Variants in CHSY3 observed in about 807,000 individuals in gnomAD.
The protein encoded by CHSY3 is N-acetylgalactosaminyl-proteoglycan 3-beta-glucuronosyltransferase 3.
A neutral mutation model predicts 67.2 loss-of-function variants in CHSY3; 35 were observed. The ratio of observed to expected loss-of-function variants is 0.52; its 90% CI spans 0.40 to 0.69. CHSY3 has a LOEUF of 0.69. Among genes scored for constraint, CHSY3 ranks in the 30% least tolerant of loss-of-function variants. The probability of loss-of-function intolerance (pLI) is 0.00; values close to 1 mark genes in which losing one functional copy is unlikely to be tolerated. For missense variants in CHSY3, 1,069 were observed against 1,138.5 expected, an observed-to-expected ratio of 0.94 and a Z score of 0.88; for synonymous variants, 474 against 434.7, an observed-to-expected ratio of 1.09 and a Z score of -1.12.
intron 2 of CHSY3, among the ~76,000 whole-genome samples, chr5:130,146,755 T>TA (rs888749186): frequency 1.9e-4 from 29 of 150,676 alleles, no homozygotes; most frequent in South Asian, 6.4e-4. Flanking sequence ...GTGTGCTAAT[T>TA]AAAAAAAAAG....
intron 2 of CHSY3, among the ~76,000 whole-genome samples, chr5:129,920,074 GC>G (rs1760869585): frequency 6.6e-6 from 1 of 152,008 alleles, no homozygotes; most frequent in Non-Finnish European, 1.5e-5. Context: ...TCTAATTGAG[GC>G]TTTTTAATCT....
intron 2 of CHSY3, among the ~76,000 whole-genome samples, chr5:130,180,717 G>T (rs767544092): frequency 6.6e-6 from 1 of 151,520 alleles, no homozygotes; most frequent in Non-Finnish European, 1.5e-5. Context: ...AGCCGGGTGC[G>T]GTGGCATGCA....
intron 2 of CHSY3, among the ~76,000 whole-genome samples, chr5:130,172,305 TTTTTC>T (rs200636071): frequency 5.2e-5 from 2 of 38,738 alleles, no homozygotes; most frequent in African/African-American, 6.8e-5. Flanking sequence ...TTAACTCTTT[TTTTTC>T]TTTTCTTTTC....
intron 2 of CHSY3, among the ~76,000 whole-genome samples, chr5:130,020,461 ATTTTTTTTTTT>A (rs1196155924): frequency 1.3e-5 from 1 of 79,888 alleles, no homozygotes; most frequent in African/African-American, 6.1e-5. Context: ...ATATATATAT[ATTTTTTTTTTT>A]TTTTTTTCCT....
chr5:129,973,623 C>A (rs1223488009), intron 2 of CHSY3, among the ~76,000 whole-genome samples: 1 of 152,056 alleles, frequency 6.6e-6, no homozygotes, highest in African/African-American at 2.4e-5. Context: ...TCTATATTGT[C>A]ATTTTGTGAA....
At chr5:130,103,998 C>T (rs1446628520) in intron 2 of CHSY3, among the ~76,000 whole-genome samples, 2 of 151,830 alleles carry the variant, frequency 1.3e-5, no homozygotes, top group Non-Finnish European at 1.5e-5. Context: ...TATTGATGGA[C>T]TTTAAGCATT....
rs923953479 is a variant in CHSY3, at chr5:130,150,143, A to T, written c.1087-34086A>T. Among the ~76,000 whole-genome samples the T allele has an allele frequency of 2.0e-5, 3 of 152,196 alleles. No homozygotes were observed. In the East Asian group the frequency reaches 5.8e-4, roughly 29 times the overall value. On this transcript the variant is annotated intron_variant, in intron 2 of 2. Coordinates refer to ENST00000305031, the MANE Select transcript of CHSY3 (RefSeq NM_175856.5). ...CACAAAGAATGAAAAATTATTAGAA[A>T]GTTTGACTACTAGTGAGAGAGACAA...
intron 2 of CHSY3, among the ~76,000 whole-genome samples, chr5:130,160,929 G>T (rs1165048899): frequency 2.7e-5 from 4 of 147,894 alleles, no homozygotes; most frequent in Admixed American, 6.7e-5. Context: ...TTTTGAGACG[G>T]AGTCTCACTT....
chr5:130,032,882 A>C (rs1045434060), intron 2 of CHSY3, among the ~76,000 whole-genome samples: 2 of 152,158 alleles, frequency 1.3e-5, no homozygotes, highest in Non-Finnish European at 2.9e-5. Context: ...AAGCCATTAG[A>C]CAGCCACGTA....
intron 2 of CHSY3, among the ~76,000 whole-genome samples, chr5:130,169,121 C>T (rs73248926): frequency 0.054 from 8,168 of 152,026 alleles, 615 homozygotes; most frequent in African/African-American, 0.15. Context: ...TCATGGTTTC[C>T]ATTTTTTTTG....
chr5:130,026,437 A>G (rs905624918), intron 2 of CHSY3, among the ~76,000 whole-genome samples: 1 of 152,170 alleles, frequency 6.6e-6, no homozygotes, highest in African/African-American at 2.4e-5. Flanking sequence ...AAACACTGGT[A>G]AGCAGGATTT....
chr5:129,939,664 G>A (rs1761635829), intron 2 of CHSY3, among the ~76,000 whole-genome samples: 1 of 152,148 alleles, frequency 6.6e-6, no homozygotes, highest in Admixed American at 6.6e-5. Flanking sequence ...GTGATATAGT[G>A]AACTTTATTT....
chr5:130,133,012 A>G (rs1768531689), intron 2 of CHSY3, among the ~76,000 whole-genome samples: 1 of 152,172 alleles, frequency 6.6e-6, no homozygotes, highest in African/African-American at 2.4e-5. Flanking sequence ...TTCAGAAAGT[A>G]TTTATTTATT....
intron 2 of CHSY3, among the ~76,000 whole-genome samples, chr5:130,050,325 A>C (rs1470529215): frequency 6.6e-6 from 1 of 152,082 alleles, no homozygotes; most frequent in African/African-American, 2.4e-5. Flanking sequence ...AATAACTTAA[A>C]TTTCATTTGT....
At chr5:129,937,291 G>A (rs773836216) in intron 2 of CHSY3, among the ~76,000 whole-genome samples, 1 of 152,136 alleles carries the variant, frequency 6.6e-6, no homozygotes, top group Non-Finnish European at 1.5e-5. Context: ...AGAGAGACAG[G>A]GAGCTAAGGA....
chr5:129,967,643 T>A (rs1277321150), intron 2 of CHSY3, among the ~76,000 whole-genome samples: 1 of 151,872 alleles, frequency 6.6e-6, no homozygotes. Context: ...TTTAAGCCTT[T>A]ATCTGCATCT....
intron 2 of CHSY3, among the ~76,000 whole-genome samples, chr5:129,984,436 C>G (rs990116577): frequency 6.6e-6 from 1 of 151,988 alleles, no homozygotes; most frequent in African/African-American, 2.4e-5. Context: ...CCATTGATGG[C>G]CATATAGGTT....
At position 130,050,174 on chromosome 5, in the gene CHSY3, A is replaced by T. The variant is rs111592178; in HGVS notation, c.1087-134055A>T. Among the ~76,000 whole-genome samples, 7 of 152,262 alleles carry T rather than the reference A, an allele frequency of 4.6e-5. 1 individual carries two copies. The highest frequency in any genetic ancestry group is 1.7e-4 in the African/African-American group (7 of 41,584). On this transcript the variant is annotated intron_variant, in intron 2 of 2. Coordinates refer to ENST00000305031, the MANE Select transcript of CHSY3 (RefSeq NM_175856.5). ...TCAAACTACAACAATGTATTTAAGT[A>T]CTTTTCTTTTGACTAGTGCATTCTG... is the stretch of plus-strand genomic sequence containing the variant.
chr5:130,131,051 A>T (rs1004003120), intron 2 of CHSY3, among the ~76,000 whole-genome samples: 9 of 152,074 alleles, frequency 5.9e-5, no homozygotes, highest in African/African-American at 2.2e-4. Context: ...TACTCTCACC[A>T]CTTGTATAGC....
Sources: gnomAD v4.1 joint callset for allele counts (sites outside exome capture counted in the v4.1 genomes callset) on GRCh38, gnomAD v4.1.1 for gene constraint, MANE v1.5 for transcripts, NCBI Gene and HGNC (gene_info 2026-07-23, HGNC 2026-07-21) for gene names.